The following NAV2 variants were observed in gnomAD, a reference collection of about 807,000 sequenced individuals.
The protein encoded by NAV2 is helicase, APC down-regulated 1.
In NAV2, 54 loss-of-function variants were observed where a neutral mutation model predicts 223.2. The ratio of observed to expected loss-of-function variants is 0.24; its 90% CI spans 0.19 to 0.30. The LOEUF (loss-of-function observed/expected upper bound fraction) is 0.30. NAV2 is among the 10% of genes least tolerant of loss of function. The pLI, the probability that NAV2 is intolerant of heterozygous loss-of-function variation, is 1.00. For missense variants in NAV2, 2,806 were observed against 3,147.5 expected (o/e 0.89, Z 2.60); for synonymous variants, 1,279 against 1,239.3 (o/e 1.03, Z -0.67).
intron 1 of NAV2, among the ~76,000 whole-genome samples, chr11:19,753,263 C>G (rs1230315205): frequency 2.0e-5 from 3 of 152,190 alleles, no homozygotes; most frequent in African/African-American, 7.2e-5. Context: ...TCATCTTGAC[C>G]ATGATTTTGC....
At chr11:19,480,823 G>A (rs2042254906) in intron 1 of NAV2, among the ~76,000 whole-genome samples, 1 of 152,168 alleles carries the variant, frequency 6.6e-6, no homozygotes, top group Non-Finnish European at 1.5e-5. Context: ...AGAGGTGAGG[G>A]TCCAGGCTCC....
chr11:19,924,142 A>C (rs376824883), intron 6 of NAV2, among the ~76,000 whole-genome samples: 1 of 152,152 alleles, frequency 6.6e-6, no homozygotes, highest in African/African-American at 2.4e-5. Flanking sequence ...ATAGGGTCAA[A>C]CATAAGCCCA....
chr11:19,347,740 C>T (rs1196740445), upstream of NAV2, among the ~76,000 whole-genome samples: 1 of 152,192 alleles, frequency 6.6e-6, no homozygotes, highest in Non-Finnish European at 1.5e-5. Context: ...GGGATCAATC[C>T]AGCACGCATG....
intron 37 of NAV2, among the ~76,000 whole-genome samples, chr11:20,115,631 CAAAA>C (rs386373266): frequency 2.1e-4 from 10 of 47,860 alleles, no homozygotes; most frequent in African/African-American, 7.2e-4. Flanking sequence ...GACTCCGTCT[CAAAA>C]AAAAAAAAAA....
chr11:19,555,661 G>A (rs774593894), intron 1 of NAV2, among the ~76,000 whole-genome samples: 8 of 152,198 alleles, frequency 5.3e-5, no homozygotes, highest in Non-Finnish European at 1.2e-4. Context: ...TAAAGGTTCG[G>A]GGACTCTAGG....
intron 1 of NAV2, among the ~76,000 whole-genome samples, chr11:19,745,711 A>T (rs541182979): frequency 1.3e-5 from 2 of 152,176 alleles, no homozygotes; most frequent in Non-Finnish European, 2.9e-5. Context: ...TTAGATTCTC[A>T]TAAGGAGTGT....
At chr11:19,988,983 A>G (rs930366476) in intron 11 of NAV2, among the ~76,000 whole-genome samples, 2 of 152,316 alleles carry the variant, frequency 1.3e-5, no homozygotes, top group African/African-American at 4.8e-5. Context: ...ACCAGGTGGT[A>G]GGTCCCCAAC....
Position 20,117,273 on chromosome 11 carries a change from C to G in NAV2, c.7165-860C>G, listed in dbSNP as rs888272945. ...CGTAGTATGTAAACAAGGGCAGATT[C>G]AAGAACACTGTCGCTAAACTCTTTT... On this transcript the variant is annotated intron_variant, in intron 37 of 37. Transcript: ENST00000349880. Among the ~76,000 whole-genome samples, 4 of 152,210 alleles carry G rather than the reference C, an allele frequency of 2.6e-5. No homozygotes were observed. In the East Asian group the frequency reaches 5.8e-4, roughly 22 times the overall value.
intron 1 of NAV2, among the ~76,000 whole-genome samples, chr11:19,787,191 G>A (rs1386416264): frequency 1.3e-5 from 2 of 151,558 alleles, no homozygotes; most frequent in South Asian, 2.1e-4. Context: ...CCTGCGCTCA[G>A]GGGATCCTCA....
Position 19,928,143 on chromosome 11 carries a change from T to G in NAV2, c.932-5033T>G, listed in dbSNP as rs544081420. 1.1e-4 allele frequency among the ~76,000 whole-genome samples: 16 copies of G among 152,356 alleles called. No individual in the cohort carries two copies. In the South Asian group the frequency reaches 3.3e-3, roughly 32 times the overall value. Reference sequence around the variant, plus strand: ...TATATCTTGATTTAATGTAACAGTGTTTCTCCCACTTCAGTCTTACATAAA... The same window carrying G: ...TATATCTTGATTTAATGTAACAGTGGTTCTCCCACTTCAGTCTTACATAAA... On this transcript the variant is annotated intron_variant, in intron 6 of 37. Transcript: ENST00000349880.
At chr11:20,025,700 C>G (rs181099610) in intron 11 of NAV2, among the ~76,000 whole-genome samples, 1 of 152,162 alleles carries the variant, frequency 6.6e-6, no homozygotes, top group Non-Finnish European at 1.5e-5. Flanking sequence ...CCCCTTGGAG[C>G]CTTTTTTATG....
At chr11:20,095,808 A>T (rs2061220183) in intron 30 of NAV2, 41 bp downstream of exon 30, 3 of 1,453,248 alleles carry the variant, frequency 2.1e-6, no homozygotes, top group Non-Finnish European at 2.9e-6. Context: ...ACTACCTAAC[A>T]TGGGCATCCG....
chr11:19,485,220 G>A (rs1255624872), intron 1 of NAV2, among the ~76,000 whole-genome samples: 1 of 152,110 alleles, frequency 6.6e-6, no homozygotes, highest in Non-Finnish European at 1.5e-5. Flanking sequence ...TCCCTGCTTG[G>A]TGATGTCTCC....
intron 1 of NAV2, chr11:19,575,465 T>C (rs956225708): frequency 1.9e-5 from 3 of 153,978 alleles, no homozygotes; most frequent in Admixed American, 1.3e-4. Context: ...CGCCTGGCCC[T>C]AGCCTTGCTC....
intron 1 of NAV2, among the ~76,000 whole-genome samples, chr11:19,583,603 G>C (rs2045793066): frequency 6.6e-6 from 1 of 152,170 alleles, no homozygotes; most frequent in Non-Finnish European, 1.5e-5. Flanking sequence ...GTTGAATTTT[G>C]TTGAAGGCCT....
chr11:19,909,778 G>A (rs10500863), intron 6 of NAV2, among the ~76,000 whole-genome samples: 3,193 of 152,220 alleles, frequency 0.021, 129 homozygotes, highest in African/African-American at 0.073. Flanking sequence ...ATCAGACGAA[G>A]TAATAGTTGC....
intron 7 of NAV2, among the ~76,000 whole-genome samples, chr11:19,935,784 A>G (rs1469160208): frequency 6.6e-6 from 1 of 150,738 alleles, no homozygotes; most frequent in East Asian, 2.0e-4. Context: ...CAATCCTGAG[A>G]GAGCACCAGG....
intron 1 of NAV2, among the ~76,000 whole-genome samples, chr11:19,635,118 A>G (rs2047454867): frequency 6.6e-6 from 1 of 152,046 alleles, no homozygotes; most frequent in Admixed American, 6.6e-5. Context: ...ACTTCTAGCC[A>G]TGTCCCCAGG....
chr11:19,600,599 T>A (rs2046326844), intron 1 of NAV2, among the ~76,000 whole-genome samples: 1 of 152,218 alleles, frequency 6.6e-6, no homozygotes, highest in African/African-American at 2.4e-5. Context: ...TGGGTTCAAA[T>A]CTCACCTCTT....
Sources: allele counts gnomAD v4.1 joint callset (sites outside exome capture counted in the v4.1 genomes callset), GRCh38; gene constraint gnomAD v4.1.1; transcripts MANE v1.5; gene names NCBI Gene and HGNC (gene_info 2026-07-23, HGNC 2026-07-21).